PAG1: variants seen among roughly 807,000 people sequenced by gnomAD.
The protein encoded by PAG1 is phosphoprotein membrane anchor with glycosphingolipid microdomains 1.
In PAG1, 23 loss-of-function variants were observed where a neutral mutation model predicts 31.7. The ratio of observed to expected loss-of-function variants is 0.73; its 90% confidence interval spans 0.52 to 1.03. The LOEUF (loss-of-function observed/expected upper bound fraction) is 1.03, where lower values mean the gene tolerates loss of function less well. Among genes scored for constraint, PAG1 ranks in the 50% least tolerant of loss-of-function variants. PAG1 has a pLI of 0.00. For synonymous variants in PAG1, 214 were observed against 210.3 expected, an observed-to-expected ratio of 1.02 and a Z score of -0.15; for missense variants, 473 against 540.7, an observed-to-expected ratio of 0.87 and a Z score of 1.24.
intron 3 of PAG1, among the ~76,000 whole-genome samples, chr8:81,010,180 C>G (rs759326639): frequency 8.5e-5 from 13 of 152,178 alleles, no homozygotes; most frequent in Non-Finnish European, 1.6e-4. Context: ...GCTCATTGTT[C>G]CTCTTCCCAC....
chr8:81,052,061 C>T (rs941540117), intron 2 of PAG1, among the ~76,000 whole-genome samples: 3 of 147,788 alleles, frequency 2.0e-5, no homozygotes, highest in African/African-American at 5.0e-5. Flanking sequence ...ACCCGGGAGG[C>T]GGAGCTTGCG....
Position 80,984,794 on chromosome 8 carries a change from C to A in PAG1, c.858G>T (p.Thr286=). Residue 286 remains threonine, a synonymous_variant, in exon 7 of 9, where the codon ACG becomes ACT. Coordinates refer to ENST00000220597, the MANE Select transcript of PAG1 (RefSeq NM_018440.4). The part of the protein sequence containing the change: ...GGEAEESATD[T]TSETNKRFSS... Reference sequence around the variant, plus strand: ...TGCCCACCTTGTTAGTTTCACTGGTCGTGTCTGTGGCACTCTCTTCCGCCT... The same window carrying A: ...TGCCCACCTTGTTAGTTTCACTGGTAGTGTCTGTGGCACTCTCTTCCGCCT... 2 of 1,613,740 alleles carry A rather than the reference C, an allele frequency of 1.2e-6. No homozygotes were observed. The highest frequency in any genetic ancestry group is 1.1e-5 in the South Asian group (1 of 91,018).
intron 3 of PAG1, among the ~76,000 whole-genome samples, chr8:81,014,267 C>A (rs1808035285): frequency 6.6e-6 from 1 of 152,346 alleles, no homozygotes; most frequent in Non-Finnish European, 1.5e-5. Flanking sequence ...GGAAATCATT[C>A]TCAGGCATGC....
At chr8:81,042,189 C>G (rs1475958304) in intron 2 of PAG1, among the ~76,000 whole-genome samples, 2 of 152,134 alleles carry the variant, frequency 1.3e-5, no homozygotes, top group East Asian at 3.9e-4. Flanking sequence ...TGAGGCCATG[C>G]AGGCATCAGA....
chr8:81,046,686 C>G (rs1243650554), intron 2 of PAG1, among the ~76,000 whole-genome samples: 1 of 151,814 alleles, frequency 6.6e-6, no homozygotes, highest in Non-Finnish European at 1.5e-5. Flanking sequence ...TTTTAAATTT[C>G]CAATTTTTAT....
At chr8:81,064,197 C>CATGAA (rs1808966250) in intron 2 of PAG1, among the ~76,000 whole-genome samples, 1 of 152,168 alleles carries the variant, frequency 6.6e-6, no homozygotes, top group African/African-American at 2.4e-5. Context: ...ACAATTTTTC[C>CATGAA]ACAGGCAGGG....
chr8:81,085,979 T>G (rs889586379), intron 1 of PAG1, among the ~76,000 whole-genome samples: 1 of 118,206 alleles, frequency 8.5e-6, no homozygotes, highest in African/African-American at 3.8e-5. Context: ...CTTGTTTTTT[T>G]TTTTTTTTTT....
chr8:80,985,705 G>C (rs1284546883), intron 6 of PAG1, among the ~76,000 whole-genome samples: 1 of 152,208 alleles, frequency 6.6e-6, no homozygotes, highest in Admixed American at 6.5e-5. Flanking sequence ...CCAGTTTGAT[G>C]CCGCTGAACT....
Position 80,967,878 on chromosome 8 carries a change from C to A in PAG1, c.*8666G>T, listed in dbSNP as rs192425213. ...ACAATTTGATAAGTGCCTTTAATTA[C>A]AACATACCTGCTATTTACATGTAAT... On this transcript the variant is annotated 3_prime_UTR_variant, in exon 9 of 9. Transcript: ENST00000220597. The A allele has an allele frequency of 3.7e-4, 57 of 152,308 alleles. No homozygotes were observed. The highest frequency in any genetic ancestry group is 1.3e-3 in the African/African-American group (56 of 41,566). 9.4% of individuals were successfully genotyped at this position (152,308 alleles called of 1,614,324 possible). A position where few individuals can be genotyped will look rare whatever the true frequency, so the allele number is the denominator to read the frequency against.
At chr8:81,050,587 A>G (rs571241236) in intron 2 of PAG1, among the ~76,000 whole-genome samples, 7 of 152,382 alleles carry the variant, frequency 4.6e-5, no homozygotes, top group African/African-American at 1.7e-4. Flanking sequence ...AAATAAAAAA[A>G]AAATGGTACT....
intron 3 of PAG1, 99 bp from the exon 4 acceptor site, chr8:80,993,406 G>A (rs1807601352): frequency 3.4e-6 from 2 of 593,684 alleles, no homozygotes; most frequent in Non-Finnish European, 5.7e-6. Context: ...CGCAAAGTCA[G>A]GGAAGCGTGT....
intron 8 of PAG1, among the ~76,000 whole-genome samples, chr8:80,980,210 T>G (rs755019549): frequency 2.6e-5 from 4 of 152,314 alleles, no homozygotes; most frequent in Non-Finnish European, 5.9e-5. Context: ...CCTGCTCAGT[T>G]TCTTTTCCTG....
rs550578921 is a variant in PAG1 at position 80,976,002 on chromosome 8, T to C, written c.*542A>G. 6.5e-6 allele frequency: 1 copy of C among 152,988 alleles called. No individual in the cohort carries two copies. Among genetic ancestry groups the C allele is most frequent in the African/African-American group, 2.4e-5 (1 of 41,554 alleles). 9.5% of individuals were successfully genotyped at this position (152,988 alleles called of 1,614,324 possible). A position where few individuals can be genotyped will look rare whatever the true frequency, so the allele number is the denominator to read the frequency against. The stretch of plus-strand genomic sequence containing the variant: ...CGAGCTGGGCAGAAAGCAGCAGCCA[T>C]GGTTTGTCACCATCCTAAAACACCT... On this transcript the variant is annotated 3_prime_UTR_variant, in exon 9 of 9. Transcript: ENST00000220597.
chr8:80,998,279 G>A (rs1807722345), intron 3 of PAG1, among the ~76,000 whole-genome samples: 4 of 151,706 alleles, frequency 2.6e-5, no homozygotes, highest in South Asian at 2.1e-4. Flanking sequence ...TCAGGCGCGC[G>A]CCACCATGCC....
chr8:81,098,845 T>C (rs1722894600), intron 1 of PAG1, among the ~76,000 whole-genome samples: 2 of 152,130 alleles, frequency 1.3e-5, no homozygotes, highest in Admixed American at 6.5e-5. Flanking sequence ...ATGAAGTGTG[T>C]ATATGGCAGA....
chr8:81,040,066 T>C (rs1433334471), intron 2 of PAG1, among the ~76,000 whole-genome samples: 1 of 152,198 alleles, frequency 6.6e-6, no homozygotes, highest in Non-Finnish European at 1.5e-5. Flanking sequence ...ATCACTTATT[T>C]TCTTAGACTC....
At chr8:81,019,592 G>T (rs1808127773) in intron 3 of PAG1, among the ~76,000 whole-genome samples, 1 of 152,236 alleles carries the variant, frequency 6.6e-6, no homozygotes, top group Admixed American at 6.5e-5. Flanking sequence ...TTGGGCCTAT[G>T]GGTGTACAAA....
intron 3 of PAG1, among the ~76,000 whole-genome samples, chr8:80,999,428 A>G (rs973825372): frequency 3.3e-5 from 5 of 152,160 alleles, no homozygotes; most frequent in African/African-American, 1.2e-4. Flanking sequence ...TAATGTCCCC[A>G]CCCAGTGATA....
intron 2 of PAG1, among the ~76,000 whole-genome samples, chr8:81,051,282 T>C (rs1439651096): frequency 1.3e-5 from 2 of 152,244 alleles, no homozygotes; most frequent in East Asian, 3.8e-4. Flanking sequence ...TCCTAATTTA[T>C]ATGAATCACA....
Sources: gnomAD v4.1 joint callset for allele counts (sites outside exome capture counted in the v4.1 genomes callset) on GRCh38, gnomAD v4.1.1 for gene constraint, MANE v1.5 for transcripts, NCBI Gene and HGNC (gene_info 2026-07-23, HGNC 2026-07-21) for gene names.